SIMC1: variants seen among roughly 807,000 people sequenced by gnomAD.
SIMC1 encodes SUMO interacting motifs containing 1, also known as SUMO-interacting motif-containing protein 1.
SIMC1 carries 55 observed loss-of-function variants against 82.3 expected under a neutral mutation model. The ratio of observed to expected loss-of-function variants is 0.67; its 90% CI spans 0.54 to 0.84. The LOEUF is 0.84. SIMC1 is among the 40% of genes least tolerant of loss of function. The probability of loss-of-function intolerance (pLI) is 0.00; values close to 1 mark genes in which losing one functional copy is unlikely to be tolerated. For synonymous variants in SIMC1, 353 were observed against 426.3 expected (o/e 0.83, Z 2.12); for missense variants, 915 against 1,107.2 (o/e 0.83, Z 2.46).
intron 1 of SIMC1, among the ~76,000 whole-genome samples, chr5:176,247,350 A>G (rs1323759837): frequency 4.6e-5 from 7 of 152,134 alleles, no homozygotes; most frequent in African/African-American, 1.7e-4. Context: ...GCATTTCTCT[A>G]ATGACCAGTG....
At chr5:176,308,504 AGGCTTTGTAG>A (rs1161837867) in intron 4 of SIMC1, 39 of 1,606,306 alleles carry the variant, frequency 2.4e-5, no homozygotes, top group Middle Eastern at 3.7e-4. Context: ...TGATGGATCA[AGGCTTTGTAG>A]GACTTATTTT....
At chr5:176,294,580 CTT>C (rs770686176) in intron 2 of SIMC1, among the ~76,000 whole-genome samples, 3 of 143,570 alleles carry the variant, frequency 2.1e-5, no homozygotes, top group Non-Finnish European at 3.1e-5. Context: ...CACCCGTCCT[CTT>C]TTTTTTTTTT....
intron 5 of SIMC1, among the ~76,000 whole-genome samples, chr5:176,319,399 C>T (rs342011): frequency 0.74 from 112,017 of 152,006 alleles, 41,416 homozygotes; most frequent in Middle Eastern, 0.85. Context: ...CCAGGCATGG[C>T]GGCATGTGCC....
At chr5:176,326,382 G>A (rs1207563282) in intron 7 of SIMC1, among the ~76,000 whole-genome samples, 1 of 148,226 alleles carries the variant, frequency 6.7e-6, no homozygotes, top group Non-Finnish European at 1.5e-5. Context: ...TTTGTTTTCT[G>A]TTTTTTTTTT....
At chr5:176,288,473 G>A (rs1452311874) in intron 1 of SIMC1, among the ~76,000 whole-genome samples, 16 of 148,740 alleles carry the variant, frequency 1.1e-4, no homozygotes, top group Non-Finnish European at 1.4e-4. Flanking sequence ...GAGACCTGGT[G>A]ATGTTGCATT....
At chr5:176,279,713 G>A (rs1371245812) in intron 1 of SIMC1, among the ~76,000 whole-genome samples, 1 of 150,832 alleles carries the variant, frequency 6.6e-6, no homozygotes, top group African/African-American at 2.4e-5. Context: ...CTTTATTTCT[G>A]CCTTCATTTC....
intron 5 of SIMC1, among the ~76,000 whole-genome samples, chr5:176,320,909 T>C (rs56406632): frequency 0.14 from 21,761 of 152,156 alleles, 1,563 homozygotes; most frequent in Middle Eastern, 0.21. Context: ...AGTGGCTTTA[T>C]TTGCTCAGTT....
chr5:176,261,099 C>T (rs189483775), intron 1 of SIMC1: 17,798 of 152,016 alleles, frequency 0.12, 1,101 homozygotes, highest in Admixed American at 0.15. Flanking sequence ...CTCTGCCTCC[C>T]GGGTTCAAGT....
intron 1 of SIMC1, chr5:176,263,425 A>G (rs1374197215): frequency 7.1e-6 from 11 of 1,542,738 alleles, no homozygotes; most frequent in Non-Finnish European, 8.7e-6. Flanking sequence ...AGGCTGAACA[A>G]GAAGCATGGC....
At chr5:176,287,203 A>G (rs1240115980) in intron 1 of SIMC1, among the ~76,000 whole-genome samples, 6 of 152,236 alleles carry the variant, frequency 3.9e-5, no homozygotes, top group Non-Finnish European at 7.3e-5. Context: ...GGTACTATTC[A>G]CAATAGCAAA....
chr5:176,261,568 G>A (rs1219360014), intron 1 of SIMC1, among the ~76,000 whole-genome samples: 4 of 151,844 alleles, frequency 2.6e-5, no homozygotes, highest in East Asian at 1.9e-4. Context: ...CCAACATGGC[G>A]AAACCCCATC....
intron 1 of SIMC1, among the ~76,000 whole-genome samples, chr5:176,271,601 G>T (rs1762429060): frequency 6.6e-6 from 1 of 151,570 alleles, no homozygotes; most frequent in Non-Finnish European, 1.5e-5. Flanking sequence ...GGGAGAGAAT[G>T]GATGGTTAAT....
intron 1 of SIMC1, among the ~76,000 whole-genome samples, chr5:176,273,675 C>T (rs188864750): frequency 1.6e-4 from 24 of 152,206 alleles, no homozygotes; most frequent in African/African-American, 5.3e-4. Context: ...CCACAACAGT[C>T]CCCAGAGTGT....
At chr5:176,323,545 C>G (rs939166179) in intron 6 of SIMC1, among the ~76,000 whole-genome samples, 1 of 152,192 alleles carries the variant, frequency 6.6e-6, no homozygotes, top group Admixed American at 6.5e-5. Flanking sequence ...GATGAGAACA[C>G]TTGGACTCAG....
At position 176,337,220 on chromosome 5, in the gene SIMC1, G is replaced by A. The variant is rs1765941149; in HGVS notation, c.2413+74G>A. The A allele has an allele frequency of 1.8e-5, 22 of 1,221,666 alleles. No homozygotes were observed. The East Asian group carries it at 4.9e-4, about 27-fold the overall frequency. The allele number at this position is 1,221,666 out of a possible 1,614,324, so 75.7% of individuals were successfully genotyped here. The stretch of plus-strand genomic sequence containing the variant: ...ATTTGTATTAGTCATAACTACACAG[G>A]ATATTCTGATTTGTTGACATTGTTC... On this transcript the variant is annotated intron_variant, in intron 9 of 9. Transcript: ENST00000429602.
chr5:176,330,626 A>T (rs1297417452), intron 7 of SIMC1, among the ~76,000 whole-genome samples: 1 of 152,176 alleles, frequency 6.6e-6, no homozygotes, highest in Non-Finnish European at 1.5e-5. Flanking sequence ...ACAGTAAAAT[A>T]ATATTATCTG....
intron 9 of SIMC1, among the ~76,000 whole-genome samples, chr5:176,344,076 C>T (rs1766280980): frequency 6.6e-6 from 1 of 152,158 alleles, no homozygotes; most frequent in African/African-American, 2.4e-5. Context: ...GTATGACAGG[C>T]ATGAGCCACC....
At chr5:176,274,319 G>T (rs1762584685) in intron 1 of SIMC1, among the ~76,000 whole-genome samples, 1 of 148,120 alleles carries the variant, frequency 6.8e-6, no homozygotes, top group African/African-American at 2.5e-5. Context: ...AGAAGTGTCT[G>T]TTCATGTCCT....
At chr5:176,316,871 C>A (rs1764935796) in intron 5 of SIMC1, among the ~76,000 whole-genome samples, 1 of 152,040 alleles carries the variant, frequency 6.6e-6, no homozygotes, top group Non-Finnish European at 1.5e-5. Context: ...TCTGTAATCC[C>A]AGCTACTTGG....
Sources: gnomAD v4.1 joint callset for allele counts (sites outside exome capture counted in the v4.1 genomes callset) on GRCh38, gnomAD v4.1.1 for gene constraint, MANE v1.5 for transcripts, NCBI Gene and HGNC (gene_info 2026-07-23, HGNC 2026-07-21) for gene names.